Variants in PTPRN2 observed in about 807,000 individuals in gnomAD.
The protein encoded by PTPRN2 is receptor-type tyrosine-protein phosphatase N2.
In PTPRN2, 74 loss-of-function variants were observed where a neutral mutation model predicts 118.8. The ratio of observed to expected loss-of-function variants is 0.62; its 90% CI spans 0.52 to 0.76. PTPRN2 has a LOEUF of 0.76. Among genes scored for constraint, PTPRN2 ranks in the 30% least tolerant of loss-of-function variants. The pLI is 0.00. For missense variants in PTPRN2, 1,481 were observed against 1,394.4 expected (o/e 1.06, Z -0.99); for synonymous variants, 641 against 608.0 (o/e 1.05, Z -0.80).
intron 2 of PTPRN2, among the ~76,000 whole-genome samples, chr7:158,332,182 C>G (rs1188827773): frequency 2.0e-5 from 3 of 149,788 alleles, no homozygotes; most frequent in African/African-American, 5.1e-5. Flanking sequence ...CACACTCTCA[C>G]CATAAGATGT....
intron 2 of PTPRN2, among the ~76,000 whole-genome samples, chr7:158,375,758 A>G (rs897744801): frequency 1.3e-5 from 2 of 152,098 alleles, no homozygotes; most frequent in African/African-American, 4.8e-5. Context: ...GTGTCAGGGA[A>G]GGAGAGAAGA....
At position 157,622,999 on chromosome 7, in the gene PTPRN2, C is replaced by T. The variant is rs530550689; in HGVS notation, c.2197-1490G>A. On this transcript the variant is annotated intron_variant, in intron 14 of 22. Coordinates refer to ENST00000389418, the MANE Select transcript of PTPRN2 (RefSeq NM_002847.5). This position sits in a 1 kb window ranked among gnomAD's most constrained non-coding sequence, Gnocchi z 5.3. ...GTTCATCTACTCCCGTCACCAGCCC[C>T]GACACCCAGGAAGCCTCGTGGTTTC... Among the ~76,000 whole-genome samples, 45 of 152,328 alleles carry T rather than the reference C, an allele frequency of 3.0e-4. No individual in the cohort carries two copies. Among genetic ancestry groups the T allele is most frequent in the African/African-American group, 1.1e-3 (45 of 41,560 alleles).
chr7:158,037,871 C>T (rs145234701), intron 11 of PTPRN2, among the ~76,000 whole-genome samples: 24 of 152,308 alleles, frequency 1.6e-4, no homozygotes, highest in Admixed American at 1.0e-3. Flanking sequence ...ATTGTCAGAA[C>T]GATTGAGACA....
rs559063650 is a variant in PTPRN2, at chr7:157,696,796, T to C, written c.1789-13859A>G. Among the ~76,000 whole-genome samples the C allele has an allele frequency of 1.1e-4, 16 of 143,120 alleles. No individual in the cohort carries two copies. The East Asian group carries it at 3.7e-3, about 33-fold the overall frequency. The allele number at this position is 143,120 out of a possible 152,430, so 93.9% of individuals were successfully genotyped here. A position where few individuals can be genotyped will look rare whatever the true frequency, so the allele number is the denominator to read the frequency against. ...ACCATCTACCCATGCATACTGGATC[T>C]TGGCAGAGCCCTCACCATCTACACA... On this transcript the variant is annotated intron_variant, in intron 12 of 22. Transcript: ENST00000389418.
intron 2 of PTPRN2, among the ~76,000 whole-genome samples, chr7:158,410,310 CAGG>C (rs987011763): frequency 6.6e-6 from 1 of 152,220 alleles, no homozygotes; most frequent in Non-Finnish European, 1.5e-5. Flanking sequence ...ATCCCGAAGG[CAGG>C]AGATGTGGGG....
At chr7:158,202,066 G>A (rs1181597209) in intron 4 of PTPRN2, among the ~76,000 whole-genome samples, 2 of 152,100 alleles carry the variant, frequency 1.3e-5, no homozygotes, top group African/African-American at 4.8e-5. Flanking sequence ...TGTGGAAATC[G>A]CTATTAAAGG....
chr7:157,548,525 G>A (rs1269886645), intron 22 of PTPRN2, among the ~76,000 whole-genome samples: 1 of 152,244 alleles, frequency 6.6e-6, no homozygotes, highest in Non-Finnish European at 1.5e-5. Context: ...GATTTTGGGT[G>A]CTCAAGGATG....
At position 158,130,535 on chromosome 7, in the gene PTPRN2, CAG is replaced by C. The variant is rs548366048; in HGVS notation, c.1556+3140_1556+3141del. Among the ~76,000 whole-genome samples, 16 of 151,390 alleles carry C rather than the reference CAG, an allele frequency of 1.1e-4. No individual in the cohort carries two copies. In the East Asian group the frequency reaches 2.0e-3, roughly 19 times the overall value. On this transcript the variant is annotated intron_variant, in intron 9 of 22. Coordinates refer to ENST00000389418, the MANE Select transcript of PTPRN2 (RefSeq NM_002847.5). ...ACACTCATACACACACACGTACATACAGATACACACATCTACCCCACATACAC... is the reference window on the plus strand; with the variant it reads ...ACACTCATACACACACACGTACATACATACACACATCTACCCCACATACAC...
At chr7:157,693,169 G>T (rs1797600037) in intron 12 of PTPRN2, among the ~76,000 whole-genome samples, 1 of 152,056 alleles carries the variant, frequency 6.6e-6, no homozygotes, top group African/African-American at 2.4e-5. Context: ...GAGGGGAGGG[G>T]GCTCGGAGGA....
intron 10 of PTPRN2, among the ~76,000 whole-genome samples, chr7:158,087,621 C>A (rs1231198300): frequency 6.6e-6 from 1 of 152,176 alleles, no homozygotes; most frequent in Non-Finnish European, 1.5e-5. Flanking sequence ...ACCTTCCTCC[C>A]CTGATGAAGG....
intron 1 of PTPRN2, among the ~76,000 whole-genome samples, chr7:158,533,248 G>A (rs1825386002): frequency 6.6e-6 from 1 of 151,848 alleles, no homozygotes; most frequent in Non-Finnish European, 1.5e-5. Context: ...GTGCACCCTC[G>A]CTCACAGGGC....
At chr7:157,991,006 G>C in intron 11 of PTPRN2, among the ~76,000 whole-genome samples, 1 of 152,244 alleles carries the variant, frequency 6.6e-6, no homozygotes, top group East Asian at 1.9e-4. Context: ...CTCTGAAGGT[G>C]TGCGGGGTGT....
At chr7:157,714,088 G>C (rs1030160230) in intron 12 of PTPRN2, among the ~76,000 whole-genome samples, 1 of 152,178 alleles carries the variant, frequency 6.6e-6, no homozygotes, top group African/African-American at 2.4e-5. Flanking sequence ...TCTTATTCTT[G>C]CTGACTATAT....
At chr7:158,035,826 C>T (rs554802277) in intron 11 of PTPRN2, among the ~76,000 whole-genome samples, 1 of 152,280 alleles carries the variant, frequency 6.6e-6, no homozygotes, top group East Asian at 1.9e-4. Flanking sequence ...GGGACTTCCA[C>T]AGGATTCTCA....
In PTPRN2 at chr7:157,618,419, C is replaced by T. The variant is rs1163063203; in HGVS notation, c.2344+2943G>A. 1.3e-5 allele frequency: 2 copies of T among 152,298 alleles called. No homozygotes were observed. Among genetic ancestry groups the T allele is most frequent in the Non-Finnish European group, 1.5e-5 (1 of 68,132 alleles). The allele number at this position is 152,298 out of a possible 1,614,324, so 9.4% of individuals were successfully genotyped here. The stretch of plus-strand genomic sequence containing the variant: ...GCCCAGCATGCAGACTCGCTTCCAT[C>T]GCGACACAGAGGACAGCATGGAGCC... On this transcript the variant is annotated intron_variant, in intron 15 of 22. Coordinates refer to ENST00000389418, the MANE Select transcript of PTPRN2 (RefSeq NM_002847.5). The surrounding 1 kb of genome is among the most constrained non-coding windows in gnomAD (Gnocchi z 4.2).
intron 9 of PTPRN2, among the ~76,000 whole-genome samples, chr7:158,114,469 T>C (rs1816562104): frequency 6.6e-6 from 1 of 152,126 alleles, no homozygotes; most frequent in Non-Finnish European, 1.5e-5. Context: ...CTTCAGGCAA[T>C]CTACACATCA....
chr7:157,928,928 C>A (rs1394755414), intron 11 of PTPRN2, among the ~76,000 whole-genome samples: 1 of 151,900 alleles, frequency 6.6e-6, no homozygotes, highest in Non-Finnish European at 1.5e-5. Flanking sequence ...GGACAGAAGG[C>A]AGCACACAAG....
At chr7:158,039,455 A>G (rs1277781467) in intron 11 of PTPRN2, among the ~76,000 whole-genome samples, 1 of 152,216 alleles carries the variant, frequency 6.6e-6, no homozygotes, top group African/African-American at 2.4e-5. Flanking sequence ...CACCACATCA[A>G]TACCAACAGG....
chr7:157,772,268 T>TACATAC (rs1802902225), intron 12 of PTPRN2, among the ~76,000 whole-genome samples: 2 of 73,822 alleles, frequency 2.7e-5, no homozygotes, highest in African/African-American at 1.0e-4. Context: ...CAGACACCCA[T>TACATAC]ACAGACATAC....
Sources: allele counts gnomAD v4.1 joint callset (sites outside exome capture counted in the v4.1 genomes callset), GRCh38; gene constraint gnomAD v4.1.1; non-coding constraint Gnocchi (gnomAD v3.1); transcripts MANE v1.5; gene names NCBI Gene and HGNC (gene_info 2026-07-23, HGNC 2026-07-21).